Variants in PASK observed in about 807,000 individuals in gnomAD.
PASK encodes PAS domain-containing serine/threonine-protein kinase.
A neutral mutation model predicts 121.0 loss-of-function variants in PASK; 110 were observed. The ratio of observed to expected loss-of-function variants is 0.91; its 90% CI spans 0.78 to 1.06. The LOEUF is 1.06. Ranked by LOEUF, PASK falls within the 50% of genes least tolerant of loss-of-function variation. The pLI, the probability that PASK is intolerant of heterozygous loss-of-function variation, is 0.00. For missense variants in PASK, 1,643 were observed against 1,702.3 expected (o/e 0.97, Z 0.61); for synonymous variants, 686 against 717.8 (o/e 0.96, Z 0.71).
chr2:241,112,541 C>A lies in PASK; in HGVS notation c.3334-102G>T. On this transcript the variant is annotated intron_variant, in intron 14 of 17. Transcript: ENST00000234040. The surrounding 1 kb of genome is among the most constrained non-coding windows in gnomAD (Gnocchi z 5.2). Reference sequence around the variant, plus strand: ...AAAAAAAACACAAAGAAAAAATAAACCTCCGACTCATAATGAACTGGGGAC... The same window carrying A: ...AAAAAAAACACAAAGAAAAAATAAAACTCCGACTCATAATGAACTGGGGAC... 6.8e-6 allele frequency: 5 copies of A among 731,756 alleles called. No individual in the cohort carries two copies. The highest frequency in any genetic ancestry group is 5.3e-5 in the South Asian group (3 of 56,424). 45.3% of individuals were successfully genotyped at this position (731,756 alleles called of 1,614,324 possible).
chr2:241,122,317 A>G (rs1232371697), intron 12 of PASK, among the ~76,000 whole-genome samples: 2 of 152,216 alleles, frequency 1.3e-5, no homozygotes, highest in African/African-American at 4.8e-5. Flanking sequence ...AAATTAATGA[A>G]ACCCAAAGCA....
intron 8 of PASK, among the ~76,000 whole-genome samples, chr2:241,135,276 G>A (rs574473927): frequency 1.3e-5 from 2 of 152,294 alleles, no homozygotes; most frequent in South Asian, 2.1e-4. Flanking sequence ...TTTAGGAATT[G>A]CAGTCAACCC....
intron 5 of PASK, 48 bp from the exon 6 acceptor site, chr2:241,138,135 C>G: frequency 2.5e-6 from 4 of 1,604,636 alleles, no homozygotes; most frequent in Non-Finnish European, 3.4e-6. Context: ...TGTGCTCCAG[C>G]TGTAAATTTA....
At chr2:241,128,911 C>T (rs2065997387) in intron 9 of PASK, among the ~76,000 whole-genome samples, 1 of 151,758 alleles carries the variant, frequency 6.6e-6, no homozygotes, top group Non-Finnish European at 1.5e-5. Flanking sequence ...GTGGGTTCCA[C>T]AGAGAAAGGG....
Position 241,115,396 on chromosome 2 carries a change from A to G in PASK, c.3090T>C (p.Ile1030=). Residue 1030 remains isoleucine, a synonymous_variant, in exon 13 of 18, where the codon ATT becomes ATC. Transcript: ENST00000234040. ...AATCCTCCAAGACCTTCTCCTTCTT[A>G]ATAAACTTCACCACCACCTGTGAGG... ...EKNKEVVVKF[I]KKEKVLEDCW... 1 of 1,613,866 alleles carries G rather than the reference A, an allele frequency of 6.2e-7. No homozygotes were observed. The highest frequency in any genetic ancestry group is 8.5e-7 in the Non-Finnish European group (1 of 1,179,840).
At chr2:241,121,711 G>T (rs529610701) in intron 12 of PASK, among the ~76,000 whole-genome samples, 52 of 152,258 alleles carry the variant, frequency 3.4e-4, no homozygotes, top group Admixed American at 7.8e-4. Context: ...ATGAAAGCTG[G>T]AGTAGTCATA....
In PASK at chr2:241,135,946, C is replaced by T. The variant is rs763340627; in HGVS notation, c.1231G>A (p.Val411Ile). 5.6e-5 allele frequency: 91 copies of T among 1,614,024 alleles called. No individual in the cohort carries two copies. Among genetic ancestry groups the T allele is most frequent in the Non-Finnish European group, 7.0e-5 (83 of 1,179,946 alleles). ...QLPDLASCLDVGNESGCGERT... is the reference protein window; with the variant it reads ...QLPDLASCLDIGNESGCGERT... ...TCCCCACACCCACTCTCATTGCCGA[C>T]GTCCAGGCAGCTGGCCAGGTCTGGG... The change falls in exon 8 of 18, where the codon GTC becomes ATC. Residue 411 changes from valine (V) to isoleucine (I), a missense_variant. Val to Ile is a conservative substitution (Grantham distance 29, BLOSUM62 3). This residue lies in a region of PASK where 1,176 missense variants were observed against 1,162.2 expected (regional missense o/e 1.01). Coordinates refer to ENST00000234040, the MANE Select transcript of PASK (RefSeq NM_015148.4).
At chr2:241,109,005 CTA>C (rs2064999079) in intron 15 of PASK, 1 of 152,752 alleles carries the variant, frequency 6.5e-6, no homozygotes, top group African/African-American at 2.5e-5. Context: ...CTCATCCACG[CTA>C]CCATTTATTT....
intron 2 of PASK, 113 bp from the exon 3 acceptor site, chr2:241,140,866 G>A (rs754181488): frequency 2.0e-5 from 15 of 736,722 alleles, no homozygotes; most frequent in Admixed American, 1.4e-4. Context: ...AAGATCTAAG[G>A]ATTAAGTCAG....
intron 15 of PASK, among the ~76,000 whole-genome samples, chr2:241,111,069 C>T (rs2065092113): frequency 6.6e-6 from 1 of 152,206 alleles, no homozygotes; most frequent in Non-Finnish European, 1.5e-5. Context: ...GGAACCTGCA[C>T]CTCCTAATGA....
chr2:241,129,611 A>T (rs1477905419), intron 9 of PASK, among the ~76,000 whole-genome samples: 1 of 152,150 alleles, frequency 6.6e-6, no homozygotes, highest in Non-Finnish European at 1.5e-5. Flanking sequence ...GGCTTTTTGG[A>T]TTTCATAATT....
rs1337776810 is a variant in PASK, at chr2:241,137,034, A to G, written c.1107T>C (p.Phe369=). Residue 369 remains phenylalanine, a synonymous_variant, in exon 7 of 18, where the codon TTT becomes TTC. Coordinates refer to ENST00000234040, the MANE Select transcript of PASK (RefSeq NM_015148.4). ...CCAGGAGCTCCGTCTTTCCGTAACC[A>G]AACAGTGTCAGCGCGAAGCTGTGGT... The part of the protein sequence containing the change: ...GINHSFALTL[F]GYGKTELLGK... 3.1e-6 allele frequency: 5 copies of G among 1,613,402 alleles called. No homozygotes were observed. The African/African-American group carries it at 5.3e-5, about 17-fold the overall frequency.
At chr2:241,119,277 G>C (rs953251245) in intron 12 of PASK, among the ~76,000 whole-genome samples, 1 of 152,190 alleles carries the variant, frequency 6.6e-6, no homozygotes, top group South Asian at 2.1e-4. Context: ...GGGGAGGGAG[G>C]TGGGGACAGC....
At chr2:241,116,499 G>A (rs1463649868) in intron 12 of PASK, among the ~76,000 whole-genome samples, 1 of 152,194 alleles carries the variant, frequency 6.6e-6, no homozygotes, top group Admixed American at 6.5e-5. Context: ...CTCAACCAAG[G>A]ACTGGAAAGC....
At chr2:241,138,387 T>G (rs1422570669) in intron 5 of PASK, among the ~76,000 whole-genome samples, 4 of 152,080 alleles carry the variant, frequency 2.6e-5, no homozygotes, top group Admixed American at 6.6e-5. Context: ...TCCTGGGGGG[T>G]TTACATATAT....
chr2:241,114,380 G>GC (rs2065237234), intron 14 of PASK: 1 of 986,372 alleles, frequency 1.0e-6, no homozygotes, highest in Non-Finnish European at 1.2e-6. Flanking sequence ...TGTCTACACA[G>GC]CCCTTTGCTG....
At chr2:241,110,124 T>C (rs935617497) in intron 15 of PASK, among the ~76,000 whole-genome samples, 12 of 152,174 alleles carry the variant, frequency 7.9e-5, no homozygotes, top group Non-Finnish European at 1.6e-4. Flanking sequence ...AATTCAGCCT[T>C]GAAAAGGAAG....
chr2:241,126,456 T>C lies in PASK; in HGVS notation c.2459A>G (p.His820Arg), dbSNP rs767857098. The change falls in exon 10 of 18, where the codon CAT becomes CGT. Residue 820 changes from histidine to arginine, a missense_variant. Physicochemically the swap from His to Arg is conservative, Grantham distance 29 (BLOSUM62 0). This residue lies in a region of PASK where 1,176 missense variants were observed against 1,162.2 expected (regional missense o/e 1.01). Coordinates refer to ENST00000234040, the MANE Select transcript of PASK (RefSeq NM_015148.4). ...GRRFRESCVG[H>R]DPTEPLEVCL... ...AACCTCAAGCGGTTCTGTTGGATCATGTCCCACACAGCTCTCCCGGAACCG... is the reference window on the plus strand; with the variant it reads ...AACCTCAAGCGGTTCTGTTGGATCACGTCCCACACAGCTCTCCCGGAACCG... 1.2e-6 allele frequency: 2 copies of C among 1,614,248 alleles called. No homozygotes were observed. The highest frequency in any genetic ancestry group is 1.7e-6 in the Non-Finnish European group (2 of 1,180,046).
At chr2:241,147,464 A>T (rs1176530766) in intron 1 of PASK, among the ~76,000 whole-genome samples, 2 of 152,032 alleles carry the variant, frequency 1.3e-5, no homozygotes, top group South Asian at 4.2e-4. Flanking sequence ...CAAAAAAAAA[A>T]TTAAAAATTA....
Sources: gnomAD v4.1 joint callset for allele counts (sites outside exome capture counted in the v4.1 genomes callset) on GRCh38, gnomAD v4.1.1 for gene constraint, gnomAD v4.1.1 regional missense constraint, Gnocchi (gnomAD v3.1) non-coding constraint, MANE v1.5 for transcripts, NCBI Gene and HGNC (gene_info 2026-07-23, HGNC 2026-07-21) for gene names.